The following RIPOR2 variants were observed in gnomAD, a reference collection of about 807,000 sequenced individuals.
The protein encoded by RIPOR2 is rho family-interacting cell polarization regulator 2.
A neutral mutation model predicts 114.5 loss-of-function variants in RIPOR2; 39 were observed. That is an observed-to-expected ratio of 0.34 (90% CI 0.26 to 0.44). The LOEUF is 0.44. Ranked by LOEUF, RIPOR2 falls within the 20% of genes least tolerant of loss-of-function variation. RIPOR2 has a pLI of 1.00. For missense variants in RIPOR2, 1,007 were observed against 1,255.1 expected (o/e 0.80, Z 2.99); for synonymous variants, 445 against 484.4 (o/e 0.92, Z 1.07).
intron 1 of RIPOR2, among the ~76,000 whole-genome samples, chr6:24,967,770 C>T (rs556007744): frequency 6.6e-6 from 1 of 152,094 alleles, no homozygotes; most frequent in South Asian, 2.1e-4. Flanking sequence ...TCATTATTTT[C>T]CTTTGTGGAT....
At chr6:24,983,756 CAAAAAAAAA>C (rs34480037) in intron 1 of RIPOR2, among the ~76,000 whole-genome samples, 3 of 47,180 alleles carry the variant, frequency 6.4e-5, no homozygotes, top group African/African-American at 3.0e-4. Context: ...GACTGTGTCT[CAAAAAAAAA>C]AAAAAAAAAA....
intron 1 of RIPOR2, among the ~76,000 whole-genome samples, chr6:24,979,459 C>T (rs7754094): frequency 1 from 151,729 of 152,248 alleles, 75,606 homozygotes; most frequent in East Asian, 1. Context: ...ACAAAAAGCT[C>T]CCCATTTTGA....
chr6:24,940,809 C>T (rs1772088788), upstream of RIPOR2, among the ~76,000 whole-genome samples: 1 of 152,064 alleles, frequency 6.6e-6, no homozygotes, highest in Non-Finnish European at 1.5e-5. Context: ...CGCCACCATG[C>T]CCAGCTAATT....
intron 1 of RIPOR2, among the ~76,000 whole-genome samples, chr6:25,034,142 G>A (rs1350069326): frequency 1.3e-5 from 2 of 151,742 alleles, no homozygotes; most frequent in African/African-American, 4.8e-5. Context: ...GGAGTGCTAC[G>A]CTGTACGGGG....
chr6:25,026,788 T>A (rs1203613709), intron 1 of RIPOR2, among the ~76,000 whole-genome samples: 1 of 152,230 alleles, frequency 6.6e-6, no homozygotes, highest in Admixed American at 6.5e-5. Context: ...TTGGGACATA[T>A]GGCAGGAATG....
At position 25,041,739 on chromosome 6, in the gene RIPOR2, G is replaced by C; in HGVS notation, c.76+112C>G. Reference sequence around the variant, plus strand: ...ACGGAGCACAGGAAAGTGGAAGAGAGGAGGAAGGGGGAAAGATTGGAGAAG... The same window carrying C: ...ACGGAGCACAGGAAAGTGGAAGAGACGAGGAAGGGGGAAAGATTGGAGAAG... On this transcript the variant is annotated intron_variant, in intron 1 of 13. Coordinates refer to the RIPOR2 transcript ENST00000510784. The C allele has an allele frequency of 4.8e-6, 3 of 621,704 alleles. No individual in the cohort carries two copies. The South Asian group carries it at 5.5e-5, about 11-fold the overall frequency. The allele number at this position is 621,704 out of a possible 1,614,324, so 38.5% of individuals were successfully genotyped here. A position where few individuals can be genotyped will look rare whatever the true frequency, so the allele number is the denominator to read the frequency against.
At chr6:25,040,196 A>C (rs984498381) in intron 1 of RIPOR2, among the ~76,000 whole-genome samples, 2 of 151,820 alleles carry the variant, frequency 1.3e-5, no homozygotes, top group Non-Finnish European at 2.9e-5. Context: ...GCTCACTGCA[A>C]TCTCCGCCTC....
chr6:24,931,292 T>TTGTG (rs1044105575), intron 1 of RIPOR2, among the ~76,000 whole-genome samples: 2 of 151,648 alleles, frequency 1.3e-5, no homozygotes, highest in South Asian at 2.1e-4. Flanking sequence ...ACAATTCTTT[T>TTGTG]TGTGTGTGTG....
chr6:25,040,119 A>C (rs1395172942), intron 1 of RIPOR2, among the ~76,000 whole-genome samples: 1 of 119,362 alleles, frequency 8.4e-6, no homozygotes, highest in African/African-American at 3.2e-5. Context: ...ATAGACTTCT[A>C]CTTTTTTTTT....
intron 1 of RIPOR2, among the ~76,000 whole-genome samples, chr6:24,979,652 T>C (rs79879976): frequency 2.4e-3 from 367 of 152,298 alleles, no homozygotes; most frequent in African/African-American, 7.3e-3. Context: ...CTCCACACCA[T>C]GTTGGGACCC....
intron 1 of RIPOR2, among the ~76,000 whole-genome samples, chr6:24,887,493 A>C (rs1279504954): frequency 6.6e-6 from 1 of 152,206 alleles, no homozygotes; most frequent in African/African-American, 2.4e-5. Flanking sequence ...CTTTCCTACT[A>C]ATTAGGACTT....
chr6:24,831,107 G>C (rs1760653390), intron 16 of RIPOR2, among the ~76,000 whole-genome samples: 1 of 152,154 alleles, frequency 6.6e-6, no homozygotes, highest in Non-Finnish European at 1.5e-5. Flanking sequence ...CCATAAGACT[G>C]TGGTTAGTTT....
At chr6:24,807,016 T>C (rs1259154667) in intron 21 of RIPOR2, among the ~76,000 whole-genome samples, 1 of 152,118 alleles carries the variant, frequency 6.6e-6, no homozygotes, top group East Asian at 1.9e-4. Context: ...CCTTGAACAG[T>C]TAGGATGCAA....
At chr6:24,829,145 T>A (rs1284476754) in intron 17 of RIPOR2, among the ~76,000 whole-genome samples, 2 of 151,460 alleles carry the variant, frequency 1.3e-5, no homozygotes, top group Non-Finnish European at 2.9e-5. Flanking sequence ...GAACCCTGTT[T>A]CTACTAAAAA....
At chr6:25,001,990 G>T (rs1422430225) in intron 1 of RIPOR2, among the ~76,000 whole-genome samples, 1 of 151,854 alleles carries the variant, frequency 6.6e-6, no homozygotes, top group Non-Finnish European at 1.5e-5. Context: ...TTACAGGTGT[G>T]AGCCACTGCG....
At chr6:24,884,366 G>C (rs2113940811) in intron 1 of RIPOR2, among the ~76,000 whole-genome samples, 1 of 152,226 alleles carries the variant, frequency 6.6e-6, no homozygotes, top group Middle Eastern at 3.4e-3. Context: ...CCGAGATCGT[G>C]CCACTGCACT....
chr6:24,849,930 T>C lies in RIPOR2; in HGVS notation c.906A>G (p.Leu302=). 6.2e-7 allele frequency: 1 copy of C among 1,613,840 alleles called. No homozygotes were observed. The highest frequency in any genetic ancestry group is 8.5e-7 in the Non-Finnish European group (1 of 1,179,800). Reference sequence around the variant, plus strand: ...CGCTACCTACCAGGATGTGAGTTGCTAGCCCTTTGAGCTCCGTGACCTAGC... The same window carrying C: ...CGCTACCTACCAGGATGTGAGTTGCCAGCCCTTTGAGCTCCGTGACCTAGC... ...ISIKVTELKG[L]ATHILVGSVT... is the part of the protein sequence containing the mutation. The change falls in exon 11 of 22, where the codon CTA becomes CTG. Residue 302 remains leucine, a synonymous_variant. Coordinates refer to ENST00000643898, the MANE Select transcript of RIPOR2 (RefSeq NM_001286445.3).
chr6:24,894,730 G>A (rs948317576), intron 1 of RIPOR2, among the ~76,000 whole-genome samples: 1 of 152,142 alleles, frequency 6.6e-6, no homozygotes, highest in Non-Finnish European at 1.5e-5. Context: ...CTCATTGAGG[G>A]TCAACAACAC....
chr6:24,976,624 G>T, intron 1 of RIPOR2: 1 of 1,609,352 alleles, frequency 6.2e-7, no homozygotes, highest in Non-Finnish European at 8.5e-7. Context: ...GAAAGGATTT[G>T]GTTATAAGGG....
Sources: gnomAD v4.1 joint callset for allele counts (sites outside exome capture counted in the v4.1 genomes callset) on GRCh38, gnomAD v4.1.1 for gene constraint, MANE v1.5 for transcripts, NCBI Gene and HGNC (gene_info 2026-07-23, HGNC 2026-07-21) for gene names.